Variants in RBFOX3 observed in about 807,000 individuals in gnomAD.
The protein encoded by RBFOX3 is RNA binding fox-1 homolog 3, also known as RNA binding protein fox-1 homolog 3.
Under a neutral mutation model 48.7 loss-of-function variants are expected in RBFOX3, and 17 were observed. The ratio of observed to expected loss-of-function variants is 0.35; its 90% CI spans 0.24 to 0.52. The LOEUF is 0.52. RBFOX3 is among the 20% of genes least tolerant of loss of function. RBFOX3 has a pLI of 0.94. For synonymous variants in RBFOX3, 212 were observed against 209.5 expected (o/e 1.01, Z -0.10); for missense variants, 382 against 497.5 (o/e 0.77, Z 2.21).
In RBFOX3 at chr17:79,480,085, C is replaced by T. The variant is rs1473912314; in HGVS notation, c.-175+2369G>A. Among the ~76,000 whole-genome samples the T allele has an allele frequency of 2.0e-5, 3 of 152,306 alleles. No individual in the cohort carries two copies. The highest frequency in any genetic ancestry group is 2.1e-4 in the South Asian group (1 of 4,818). On this transcript the variant is annotated intron_variant, in intron 2 of 14. Coordinates refer to ENST00000693108, the MANE Select transcript of RBFOX3 (RefSeq NM_001350451.2). The surrounding 1 kb of genome is among the most constrained non-coding windows in gnomAD (Gnocchi z 4.8). ...TGGCACACCAGTGCTGCCTTCACAG[C>T]GACACTGCAGGGAGCCCCAGGACAG... is the stretch of plus-strand genomic sequence containing the variant.
At chr17:79,474,838 T>C (rs2077503811) in intron 2 of RBFOX3, among the ~76,000 whole-genome samples, 1 of 152,132 alleles carries the variant, frequency 6.6e-6, no homozygotes, top group Non-Finnish European at 1.5e-5. Context: ...CCCAAAAATG[T>C]GTCCACATCC....
intron 4 of RBFOX3, among the ~76,000 whole-genome samples, chr17:79,157,966 C>T (rs67018118): frequency 0.28 from 42,932 of 152,104 alleles, 7,901 homozygotes; most frequent in African/African-American, 0.53. Context: ...CGCTCCAACT[C>T]CTACGCTGAA....
At position 79,177,215 on chromosome 17, in the gene RBFOX3, C is replaced by T. The variant is rs540165617; in HGVS notation, c.-34+58551G>A. ...CACCACTGGCCTCCTCCTCTCCCCC[C>T]CCGCCCTCTCCCCAGCCTTGGAACC... is the stretch of plus-strand genomic sequence containing the variant. On this transcript the variant is annotated intron_variant, in intron 4 of 14. Coordinates refer to ENST00000693108, the MANE Select transcript of RBFOX3 (RefSeq NM_001350451.2). Among the ~76,000 whole-genome samples the T allele has an allele frequency of 6.6e-5, 10 of 152,246 alleles. No homozygotes were observed. In the East Asian group the frequency reaches 9.7e-4, roughly 15 times the overall value.
intron 1 of RBFOX3, among the ~76,000 whole-genome samples, chr17:79,499,766 C>T (rs1339148113): frequency 6.6e-6 from 1 of 152,240 alleles, no homozygotes; most frequent in Non-Finnish European, 1.5e-5. Context: ...AATGCTTGCT[C>T]TGGTGGCAGG....
chr17:79,179,714 T>C (rs2051439313), intron 4 of RBFOX3, among the ~76,000 whole-genome samples: 1 of 152,220 alleles, frequency 6.6e-6, no homozygotes, highest in African/African-American at 2.4e-5. Context: ...TCCTATCCTC[T>C]CAAACTTGGT....
chr17:79,360,342 G>A (rs375510920), intron 2 of RBFOX3, among the ~76,000 whole-genome samples: 1 of 152,182 alleles, frequency 6.6e-6, no homozygotes, highest in Admixed American at 6.5e-5. Context: ...CAAGGAACCT[G>A]CAGGGAACCC....
At chr17:79,101,286 T>C (rs2076386539) in intron 9 of RBFOX3, among the ~76,000 whole-genome samples, 1 of 152,178 alleles carries the variant, frequency 6.6e-6, no homozygotes, top group Non-Finnish European at 1.5e-5. Flanking sequence ...GCTATCCCCC[T>C]GGATCAGAAG....
At chr17:79,225,351 C>T (rs1328827094) in intron 4 of RBFOX3, among the ~76,000 whole-genome samples, 3 of 148,352 alleles carry the variant, frequency 2.0e-5, no homozygotes, top group Non-Finnish European at 3.0e-5. Flanking sequence ...AATGCAGTGG[C>T]ACCATTTGGA....
At position 79,111,822 on chromosome 17, in the gene RBFOX3, C is replaced by T. The variant is rs1199824176; in HGVS notation, c.222+3672G>A. On this transcript the variant is annotated intron_variant, in intron 5 of 14. Coordinates refer to ENST00000693108, the MANE Select transcript of RBFOX3 (RefSeq NM_001350451.2). This position sits in a 1 kb window ranked among gnomAD's most constrained non-coding sequence, Gnocchi z 4.2. ...GTGACCCCGAGTGAGTGAATACATG[C>T]TCCAGATGGTGACCCCTGCTGGGGA... Among the ~76,000 whole-genome samples, 1 of 152,360 alleles carries T rather than the reference C, an allele frequency of 6.6e-6. No individual in the cohort carries two copies. The highest frequency in any genetic ancestry group is 1.9e-4 in the East Asian group (1 of 5,180).
chr17:79,315,325 C>T (rs1010111404), intron 2 of RBFOX3, among the ~76,000 whole-genome samples: 8 of 152,322 alleles, frequency 5.3e-5, no homozygotes, highest in African/African-American at 1.7e-4. Context: ...CTCTGGGGAC[C>T]CAGACCCTGG....
At chr17:79,336,429 A>G (rs200800577) in intron 2 of RBFOX3, among the ~76,000 whole-genome samples, 3 of 3,692 alleles carry the variant, frequency 8.1e-4, no homozygotes, top group Admixed American at 2.7e-3. Context: ...AAATAAATTG[A>G]AAAAAAAAAT....
Position 79,479,446 on chromosome 17 carries a change from TGAGGGGCTTCCTCTCA to T in RBFOX3, c.-175+2992_-175+3007del, listed in dbSNP as rs1204818673. Among the ~76,000 whole-genome samples, 3 of 152,186 alleles carry T rather than the reference TGAGGGGCTTCCTCTCA, an allele frequency of 2.0e-5. No individual in the cohort carries two copies. The East Asian group carries it at 5.8e-4, about 29-fold the overall frequency. On this transcript the variant is annotated intron_variant, in intron 2 of 14. Coordinates refer to ENST00000693108, the MANE Select transcript of RBFOX3 (RefSeq NM_001350451.2). This position sits in a 1 kb window ranked among gnomAD's most constrained non-coding sequence, Gnocchi z 5.1. ...CCTCAGACTGCATTGCTCCTTGCTC[TGAGGGGCTTCCTCTCA>T]GAGGGGCTTCCTTCTCTCCCCTTGA... is the stretch of plus-strand genomic sequence containing the variant.
chr17:79,575,018 T>G (rs2092810243), intron 1 of RBFOX3, among the ~76,000 whole-genome samples: 1 of 152,230 alleles, frequency 6.6e-6, no homozygotes, highest in Non-Finnish European at 1.5e-5. Context: ...TTCCCAACTT[T>G]GAGTGCATAC....
At chr17:79,536,961 T>C (rs1175613113) in intron 1 of RBFOX3, among the ~76,000 whole-genome samples, 1 of 152,100 alleles carries the variant, frequency 6.6e-6, no homozygotes, top group Non-Finnish European at 1.5e-5. Flanking sequence ...GGCGAGCACC[T>C]GTAATCCCAG....
At chr17:79,614,316 C>G (rs1003095300), upstream of RBFOX3, among the ~76,000 whole-genome samples, 6 of 152,228 alleles carry the variant, frequency 3.9e-5, no homozygotes, top group Non-Finnish European at 8.8e-5. Flanking sequence ...TTTTCCCTCA[C>G]GGCACCTGTC....
At chr17:79,487,862 A>G (rs1204146933) in intron 1 of RBFOX3, among the ~76,000 whole-genome samples, 1 of 139,918 alleles carries the variant, frequency 7.1e-6, no homozygotes, top group Non-Finnish European at 1.5e-5. Flanking sequence ...CAGTGAGCCG[A>G]GATCGCTCCA....
chr17:79,461,056 C>T (rs962681168), intron 2 of RBFOX3, among the ~76,000 whole-genome samples: 2 of 152,190 alleles, frequency 1.3e-5, no homozygotes, highest in African/African-American at 4.8e-5. Context: ...CACTGGGCCC[C>T]CAAAGTGTTT....
intron 1 of RBFOX3, among the ~76,000 whole-genome samples, chr17:79,524,393 G>A (rs938285692): frequency 1.1e-4 from 17 of 152,248 alleles, no homozygotes; most frequent in Non-Finnish European, 1.6e-4. Flanking sequence ...GAGGCAGCCC[G>A]CTCTCTCTTC....
chr17:79,498,008 G>A lies in RBFOX3; in HGVS notation c.-319-15410C>T, dbSNP rs537308722. Reference sequence around the variant, plus strand: ...CCAGAAGGTTATGGTGGGAACAGCTGTGGGTGCTGAGGAGCAGACAAAAGC... The same window carrying A: ...CCAGAAGGTTATGGTGGGAACAGCTATGGGTGCTGAGGAGCAGACAAAAGC... On this transcript the variant is annotated intron_variant, in intron 1 of 14. Transcript: ENST00000693108. Among the ~76,000 whole-genome samples the A allele has an allele frequency of 2.6e-5, 4 of 152,382 alleles. No homozygotes were observed. In the South Asian group the frequency reaches 8.3e-4, roughly 32 times the overall value.
Sources: allele counts gnomAD v4.1 joint callset (sites outside exome capture counted in the v4.1 genomes callset), GRCh38; gene constraint gnomAD v4.1.1; non-coding constraint Gnocchi (gnomAD v3.1); transcripts MANE v1.5; gene names NCBI Gene and HGNC (gene_info 2026-07-23, HGNC 2026-07-21).